PLCH1: variants seen among roughly 807,000 people sequenced by gnomAD.
PLCH1 encodes the protein phospholipase C eta 1.
Under a neutral mutation model 126.7 loss-of-function variants are expected in PLCH1, and 60 were observed. The observed-to-expected ratio is 0.47, with a 90% CI of 0.38 to 0.59. The LOEUF (loss-of-function observed/expected upper bound fraction) is 0.59. Ranked by LOEUF, PLCH1 falls within the 20% of genes least tolerant of loss-of-function variation. The pLI is 0.00. For synonymous variants in PLCH1, 719 were observed against 734.9 expected (o/e 0.98, Z 0.35); for missense variants, 1,723 against 2,040.0 (o/e 0.84, Z 2.99).
chr3:155,527,402 C>CTA (rs1560113848), intron 10 of PLCH1, among the ~76,000 whole-genome samples: 1 of 152,206 alleles, frequency 6.6e-6, no homozygotes, highest in Non-Finnish European at 1.5e-5. Flanking sequence ...CTCCATAGGG[C>CTA]TACCAGCTTA....
intron 11 of PLCH1, among the ~76,000 whole-genome samples, chr3:155,521,286 C>G (rs1282438136): frequency 6.6e-6 from 1 of 152,070 alleles, no homozygotes; most frequent in Non-Finnish European, 1.5e-5. Context: ...TCCTCTTCTC[C>G]CATTGATGTG....
At chr3:155,706,109 G>T (rs939359688) in intron 1 of PLCH1, among the ~76,000 whole-genome samples, 4 of 147,190 alleles carry the variant, frequency 2.7e-5, no homozygotes, top group South Asian at 2.2e-4. Context: ...AGGAGGCAGA[G>T]GTTGCAGTGA....
intron 1 of PLCH1, among the ~76,000 whole-genome samples, chr3:155,712,526 A>G (rs1312068247): frequency 6.6e-6 from 1 of 152,038 alleles, no homozygotes; most frequent in Non-Finnish European, 1.5e-5. Flanking sequence ...TCATATATGG[A>G]AATCAGAATT....
chr3:155,634,692 A>G (rs1738509166), intron 2 of PLCH1, among the ~76,000 whole-genome samples: 1 of 152,218 alleles, frequency 6.6e-6, no homozygotes, highest in Non-Finnish European at 1.5e-5. Flanking sequence ...CCCAGGAGGC[A>G]TGAGAAAGTA....
chr3:155,643,140 G>A (rs915162728), intron 2 of PLCH1, among the ~76,000 whole-genome samples: 1 of 152,052 alleles, frequency 6.6e-6, no homozygotes, highest in African/African-American at 2.4e-5. Flanking sequence ...GTAGAGGCGG[G>A]GTTTCACCAT....
At chr3:155,461,900 C>T (rs1025339461) in intron 21 of PLCH1, among the ~76,000 whole-genome samples, 17 of 152,138 alleles carry the variant, frequency 1.1e-4, no homozygotes, top group Non-Finnish European at 2.2e-4. Context: ...AGGCTCAGAT[C>T]CTATGTATGG....
intron 11 of PLCH1, among the ~76,000 whole-genome samples, chr3:155,516,727 A>G (rs1410205856): frequency 6.6e-6 from 1 of 151,976 alleles, no homozygotes; most frequent in East Asian, 1.9e-4. Context: ...AAGTTGAGAG[A>G]TAGTTTGGGA....
chr3:155,741,684 C>CTTTTATTTTTTTTTTATTTTTTTTTTTTT, intron 1 of PLCH1, among the ~76,000 whole-genome samples: 13 of 102,864 alleles, frequency 1.3e-4, no homozygotes, highest in Non-Finnish European at 2.1e-4. Context: ...TTTATATCCT[C>CTTTTATTTTTTTTTTATTTTTTTTTTTTT]TTTTTTTTTT....
chr3:155,514,464 G>A (rs1340634847), intron 12 of PLCH1, among the ~76,000 whole-genome samples: 1 of 152,206 alleles, frequency 6.6e-6, no homozygotes, highest in Non-Finnish European at 1.5e-5. Flanking sequence ...ACCTGAGCAT[G>A]CATTAGGAAG....
intron 2 of PLCH1, among the ~76,000 whole-genome samples, chr3:155,613,068 T>C (rs1735344752): frequency 1.3e-5 from 2 of 152,074 alleles, no homozygotes. Flanking sequence ...GATAAGTTTC[T>C]AGAAATATAC....
intron 8 of PLCH1, among the ~76,000 whole-genome samples, chr3:155,561,444 C>G (rs892086873): frequency 1.3e-5 from 2 of 151,848 alleles, no homozygotes; most frequent in Admixed American, 6.6e-5. Context: ...TCATCCATGT[C>G]CCTACAAAGG....
intron 11 of PLCH1, among the ~76,000 whole-genome samples, chr3:155,519,621 C>G (rs959089017): frequency 6.6e-6 from 1 of 151,756 alleles, no homozygotes; most frequent in African/African-American, 2.4e-5. Flanking sequence ...GCAGAGTGCT[C>G]AGAAATCCCA....
intron 10 of PLCH1, among the ~76,000 whole-genome samples, chr3:155,526,952 C>T (rs934592): frequency 0.85 from 129,763 of 152,204 alleles, 56,203 homozygotes; most frequent in Middle Eastern, 0.95. Context: ...CCATCATCCA[C>T]GCAATGGACA....
At position 155,650,194 on chromosome 3, in the gene PLCH1, C is replaced by A. The variant is rs140581558; in HGVS notation, c.80-53816G>T. 1.3e-3 allele frequency among the ~76,000 whole-genome samples: 205 copies of A among 152,174 alleles called. 1 individual carries two copies. Among genetic ancestry groups the A allele is most frequent in the African/African-American group, 4.7e-3 (197 of 41,520 alleles). On this transcript the variant is annotated intron_variant, in intron 2 of 22. Transcript: ENST00000460012. The stretch of plus-strand genomic sequence containing the variant: ...CTCTCATTATATCATGTGACTGTCA[C>A]AACAGTCCTATGAGATGTGATAGGT...
intron 10 of PLCH1, 138 bp downstream of exon 10, chr3:155,549,649 G>T: frequency 1.6e-6 from 1 of 614,240 alleles, no homozygotes; most frequent in South Asian, 2.2e-5. Context: ...TTGGAATAAG[G>T]CGCATACATA....
chr3:155,720,040 C>A (rs570043077), intron 1 of PLCH1, among the ~76,000 whole-genome samples: 6 of 152,110 alleles, frequency 3.9e-5, no homozygotes, highest in Non-Finnish European at 7.4e-5. Context: ...ATGATCCACC[C>A]GCCTCAGCTT....
chr3:155,625,636 A>C (rs1283868843), intron 2 of PLCH1, among the ~76,000 whole-genome samples: 1 of 152,232 alleles, frequency 6.6e-6, no homozygotes, highest in Non-Finnish European at 1.5e-5. Flanking sequence ...GCTCATCATC[A>C]CTGGTCATTA....
At chr3:155,521,906 T>C (rs1294784055) in intron 11 of PLCH1, among the ~76,000 whole-genome samples, 1 of 152,192 alleles carries the variant, frequency 6.6e-6, no homozygotes, top group Non-Finnish European at 1.5e-5. Flanking sequence ...AGAATCCAAA[T>C]GAAAGATCAT....
chr3:155,617,596 C>G (rs1735950920), intron 2 of PLCH1, among the ~76,000 whole-genome samples: 1 of 152,102 alleles, frequency 6.6e-6, no homozygotes, highest in South Asian at 2.1e-4. Flanking sequence ...AATTTGGAAA[C>G]TATTTGTGAG....
Sources: allele counts gnomAD v4.1 joint callset (sites outside exome capture counted in the v4.1 genomes callset), GRCh38; gene constraint gnomAD v4.1.1; transcripts MANE v1.5; gene names NCBI Gene and HGNC (gene_info 2026-07-23, HGNC 2026-07-21).